AQP2: variants seen among roughly 807,000 people sequenced by gnomAD.
The protein encoded by AQP2 is aquaporin-2.
Under a neutral mutation model 21.6 loss-of-function variants are expected in AQP2, and 20 were observed. The observed-to-expected ratio is 0.92, with a 90% CI of 0.65 to 1.34. AQP2 has a LOEUF of 1.34. Among genes scored for constraint, AQP2 ranks in the 40% most tolerant of loss-of-function variants. AQP2 has a pLI of 0.00. For missense variants in AQP2, 325 were observed against 363.4 expected (o/e 0.89, Z 0.86); for synonymous variants, 168 against 166.9 (o/e 1.01, Z -0.05).
chr12:49,952,837 T>G (rs990843031), intron 1 of AQP2, among the ~76,000 whole-genome samples: 1 of 152,174 alleles, frequency 6.6e-6, no homozygotes, highest in Admixed American at 6.5e-5. Flanking sequence ...CAAGTGTCCT[T>G]TGAGGACACT....
intron 1 of AQP2, among the ~76,000 whole-genome samples, chr12:49,953,916 G>C (rs879920780): frequency 1.2e-4 from 19 of 152,166 alleles, no homozygotes; most frequent in Admixed American, 1.2e-3. Flanking sequence ...GGGCTACAGA[G>C]TCAGTTTTGC....
chr12:49,958,545 T>A lies in AQP2; in HGVS notation c.*2937T>A, dbSNP rs1048751748. The stretch of plus-strand genomic sequence containing the variant: ...CTGCCCTTTAAGAGCACCCGGTCAG[T>A]CAGAGAACAGAGATCACACACACCA... On this transcript the variant is annotated 3_prime_UTR_variant, in exon 4 of 4. Coordinates refer to ENST00000199280, the MANE Select transcript of AQP2 (RefSeq NM_000486.6). 6.6e-6 allele frequency: 1 copy of A among 152,258 alleles called. No homozygotes were observed. Among genetic ancestry groups the A allele is most frequent in the Non-Finnish European group, 1.5e-5 (1 of 68,150 alleles). 9.4% of individuals were successfully genotyped at this position (152,258 alleles called of 1,614,324 possible).
At chr12:49,952,687 C>T (rs1001046761) in intron 1 of AQP2, among the ~76,000 whole-genome samples, 4 of 152,214 alleles carry the variant, frequency 2.6e-5, no homozygotes, top group African/African-American at 9.7e-5. Flanking sequence ...AGAGAAAGGT[C>T]TGGGAGGGCT....
intron 2 of AQP2, 47 bp from the exon 3 acceptor site, chr12:49,954,583 C>T: frequency 6.2e-7 from 1 of 1,601,834 alleles, no homozygotes; most frequent in East Asian, 2.2e-5. Flanking sequence ...GACTTCCTGC[C>T]CTGTCCTCAC....
rs1947326724 is a variant in AQP2 at position 49,951,165 on chromosome 12, T to A, written c.335T>A (p.Ile112Asn). The change falls in exon 1 of 4, where the codon ATC becomes AAC. Residue 112 changes from isoleucine (I) to asparagine (N), a missense_variant. Physicochemically the swap from Ile to Asn is moderately radical, Grantham distance 149 (BLOSUM62 -3). Coordinates refer to ENST00000199280, the MANE Select transcript of AQP2 (RefSeq NM_000486.6). The stretch of plus-strand genomic sequence containing the variant: ...CTCCATGAGATCACGCCAGCAGACA[T>A]CCGCGGGGACCTGGCTGTCAATGCT... ...ALLHEITPADIRGDLAVNALS... is the reference protein window; with the variant it reads ...ALLHEITPADNRGDLAVNALS... 6.2e-7 allele frequency: 1 copy of A among 1,606,146 alleles called. No homozygotes were observed. The highest frequency in any genetic ancestry group is 8.5e-7 in the Non-Finnish European group (1 of 1,175,830).
At position 49,955,429 on chromosome 12, in the gene AQP2, AT is replaced by A; in HGVS notation, c.638del (p.Ile213ThrfsTer25). 1 of 1,612,674 alleles carries A rather than the reference AT, an allele frequency of 6.2e-7. No homozygotes were observed. The highest frequency in any genetic ancestry group is 8.5e-7 in the Non-Finnish European group (1 of 1,179,778). On this transcript the variant is annotated frameshift_variant, in exon 4 of 4. Coordinates refer to ENST00000199280, the MANE Select transcript of AQP2 (RefSeq NM_000486.6). LOFTEE classifies it high-confidence loss of function. ...VFWIGPLVGA[I>X]LGSLLYNYVL... Reference sequence around the variant, plus strand: ...CTGGATCGGACCCCTGGTGGGCGCCATCCTGGGCTCCCTCCTCTACAACTAC... The same window carrying A: ...CTGGATCGGACCCCTGGTGGGCGCCACCTGGGCTCCCTCCTCTACAACTAC...
At chr12:49,951,566 G>T in intron 1 of AQP2, 1 of 229,890 alleles carries the variant, frequency 4.3e-6, no homozygotes, top group Non-Finnish European at 8.5e-6. Context: ...GATCATCACA[G>T]GGTTCTCAAG....
rs1947363881 is a variant in AQP2 at position 49,955,651 on chromosome 12, GC to G, written c.*46del. 1.3e-6 allele frequency: 2 copies of G among 1,532,022 alleles called. No individual in the cohort carries two copies. Among genetic ancestry groups the G allele is most frequent in the Admixed American group, 3.9e-5 (2 of 51,020 alleles). 94.9% of individuals were successfully genotyped at this position (1,532,022 alleles called of 1,614,324 possible). ...TACGGCCCCGACGGACGCTTGTGAG[GC>G]CCGAGGCAGAAGGGCCCACCCCGTC... On this transcript the variant is annotated 3_prime_UTR_variant, in exon 4 of 4. Coordinates refer to ENST00000199280, the MANE Select transcript of AQP2 (RefSeq NM_000486.6).
At chr12:49,954,487 G>T (rs563090498) in intron 2 of AQP2, 143 bp from the exon 3 acceptor site, 149 of 1,241,342 alleles carry the variant, frequency 1.2e-4, no homozygotes, top group Non-Finnish European at 1.5e-4. Context: ...TATCACTCCA[G>T]CCCATCTGTA....
At chr12:49,954,530 G>C in intron 2 of AQP2, 100 bp from the exon 3 acceptor site, 1 of 1,409,624 alleles carries the variant, frequency 7.1e-7, no homozygotes, top group South Asian at 1.2e-5. Flanking sequence ...CCATCACGTG[G>C]GTTCCCTTTA....
In AQP2 at chr12:49,950,992, C is replaced by G. The variant is rs143497314; in HGVS notation, c.162C>G (p.Thr54=). The G allele has an allele frequency of 1.8e-5, 29 of 1,614,048 alleles. No homozygotes were observed. The African/African-American group carries it at 3.9e-4, about 22-fold the overall frequency. ...TGGCGTTTGGCTTGGGTATTGGCAC[C>G]CTGGTACAGGCTCTGGGCCACATAA... ...IAMAFGLGIG[T]LVQALGHISG... The change falls in exon 1 of 4, where the codon ACC becomes ACG. Residue 54 remains threonine, a synonymous_variant. Transcript: ENST00000199280.
In AQP2 at chr12:49,955,789, G is replaced by A; in HGVS notation, c.*181G>A. 1 of 860,642 alleles carries A rather than the reference G, an allele frequency of 1.2e-6. No homozygotes were observed. The highest frequency in any genetic ancestry group is 1.9e-6 in the Non-Finnish European group (1 of 532,846). The allele number at this position is 860,642 out of a possible 1,614,324, so 53.3% of individuals were successfully genotyped here. ...GGCGGGGAGGAGGCTGCCGGAGGGA[G>A]CCCTGAGCCTGGCAGGTCCCCTGCC... On this transcript the variant is annotated 3_prime_UTR_variant, in exon 4 of 4. Transcript: ENST00000199280.
At chr12:49,955,377 C>T (rs762684105) in intron 3 of AQP2, 22 bp from the exon 4 acceptor site, 5 of 1,608,234 alleles carry the variant, frequency 3.1e-6, no homozygotes, top group East Asian at 2.2e-5. Flanking sequence ...GGTGCCAAGC[C>T]GCCCTCTCCG....
rs1251125345 is a variant in AQP2, at chr12:49,956,546, C to T, written c.*938C>T. ...CCCCCGTCTCCAGGGGTGCCCCAGA[C>T]CCAGAGATTAGCCTCCCACTTCGGC... On this transcript the variant is annotated 3_prime_UTR_variant, in exon 4 of 4. Coordinates refer to ENST00000199280, the MANE Select transcript of AQP2 (RefSeq NM_000486.6). 1 of 152,224 alleles carries T rather than the reference C, an allele frequency of 6.6e-6. No homozygotes were observed. Among genetic ancestry groups the T allele is most frequent in the Non-Finnish European group, 1.5e-5 (1 of 68,054 alleles). 9.4% of individuals were successfully genotyped at this position (152,224 alleles called of 1,614,324 possible).
At chr12:49,951,363 A>C (rs1947328610) in intron 1 of AQP2, 173 bp downstream of exon 1, 1 of 888,504 alleles carries the variant, frequency 1.1e-6, no homozygotes, top group Admixed American at 2.9e-5. Flanking sequence ...GGATGAAAGG[A>C]GCAATGATAC....
intron 2 of AQP2, 41 bp from the exon 3 acceptor site, chr12:49,954,589 C>T (rs1188194723): frequency 6.2e-7 from 1 of 1,607,356 alleles, no homozygotes; most frequent in Non-Finnish European, 8.5e-7. Flanking sequence ...CTGCCCTGTC[C>T]TCACCTCCCT....
In AQP2 at chr12:49,955,767, G is replaced by T. The variant is rs1165224227; in HGVS notation, c.*159G>T. 4.9e-6 allele frequency: 5 copies of T among 1,030,548 alleles called. No homozygotes were observed. The highest frequency in any genetic ancestry group is 4.5e-4 in the Middle Eastern group (2 of 4,450). The allele number at this position is 1,030,548 out of a possible 1,614,324, so 63.8% of individuals were successfully genotyped here. On this transcript the variant is annotated 3_prime_UTR_variant, in exon 4 of 4. Transcript: ENST00000199280. ...GCCCAGGCCAGTGCTGTGAGCAGGC[G>T]GGGAGGAGGCTGCCGGAGGGAGCCC...
In AQP2 at chr12:49,955,907, G is replaced by A. The variant is rs1268438989; in HGVS notation, c.*299G>A. The A allele has an allele frequency of 3.4e-6, 2 of 580,546 alleles. No individual in the cohort carries two copies. Among genetic ancestry groups the A allele is most frequent in the Admixed American group, 5.7e-5 (2 of 35,190 alleles). 36.0% of individuals were successfully genotyped at this position (580,546 alleles called of 1,614,324 possible). A position where few individuals can be genotyped will look rare whatever the true frequency, so the allele number is the denominator to read the frequency against. On this transcript the variant is annotated 3_prime_UTR_variant, in exon 4 of 4. Coordinates refer to ENST00000199280, the MANE Select transcript of AQP2 (RefSeq NM_000486.6). ...GAGCTGGGGAGGGAGGCAGGTGGGTGGTAAGAGGGAAACTCTGGAGAGCCT... is the reference window on the plus strand; with the variant it reads ...GAGCTGGGGAGGGAGGCAGGTGGGTAGTAAGAGGGAAACTCTGGAGAGCCT...
Position 49,955,861 on chromosome 12 carries a change from G to C in AQP2, c.*253G>C, listed in dbSNP as rs1213184224. Reference sequence around the variant, plus strand: ...GGTGGCTTCTCCAGCCTTTTTCAGGGAACTGGGAACTTAGGGGACTGAGCT... The same window carrying C: ...GGTGGCTTCTCCAGCCTTTTTCAGGCAACTGGGAACTTAGGGGACTGAGCT... On this transcript the variant is annotated 3_prime_UTR_variant, in exon 4 of 4. Transcript: ENST00000199280. 3 of 648,836 alleles carry C rather than the reference G, an allele frequency of 4.6e-6. No homozygotes were observed. Among genetic ancestry groups the C allele is most frequent in the Non-Finnish European group, 8.3e-6 (3 of 361,650 alleles). The allele number at this position is 648,836 out of a possible 1,614,324, so 40.2% of individuals were successfully genotyped here. A position where few individuals can be genotyped will look rare whatever the true frequency, so the allele number is the denominator to read the frequency against.
Sources: allele counts gnomAD v4.1 joint callset (sites outside exome capture counted in the v4.1 genomes callset), GRCh38; gene constraint gnomAD v4.1.1; transcripts MANE v1.5; gene names NCBI Gene and HGNC (gene_info 2026-07-23, HGNC 2026-07-21).